The following PHF21A variants were observed in gnomAD, a reference collection of about 807,000 sequenced individuals.
PHF21A encodes the protein BHC80a.
In PHF21A, 11 loss-of-function variants were observed where a neutral mutation model predicts 82.5. The ratio of observed to expected loss-of-function variants is 0.13; its 90% CI spans 0.08 to 0.22. PHF21A has a LOEUF of 0.22. Among genes scored for constraint, PHF21A ranks in the 10% least tolerant of loss-of-function variants. The probability of loss-of-function intolerance (pLI) is 1.00; values close to 1 mark genes in which losing one functional copy is unlikely to be tolerated. For missense variants in PHF21A, 579 were observed against 837.8 expected, an observed-to-expected ratio of 0.69 and a Z score of 3.81; for synonymous variants, 297 against 302.8, an observed-to-expected ratio of 0.98 and a Z score of 0.20.
At position 46,034,172 on chromosome 11, in the gene PHF21A, T is replaced by C. The variant is rs1023484867; in HGVS notation, c.153+42582A>G. 3.3e-5 allele frequency among the ~76,000 whole-genome samples: 5 copies of C among 152,150 alleles called. No individual in the cohort carries two copies. The East Asian group carries it at 9.6e-4, about 29-fold the overall frequency. Reference sequence around the variant, plus strand: ...CTGATGCTTCCTATTCTGTAACATATACTAGTATTTTTACTTCTGCTGTGA... The same window carrying C: ...CTGATGCTTCCTATTCTGTAACATACACTAGTATTTTTACTTCTGCTGTGA... On this transcript the variant is annotated intron_variant, in intron 6 of 18. Transcript: ENST00000676320.
intron 1 of PHF21A, among the ~76,000 whole-genome samples, chr11:46,108,207 C>T (rs1368084899): frequency 2.0e-5 from 3 of 152,084 alleles, no homozygotes; most frequent in East Asian, 3.8e-4. Context: ...TTTGAAAACA[C>T]AATTGCTCTC....
At chr11:46,051,234 C>G (rs1176055730) in intron 6 of PHF21A, among the ~76,000 whole-genome samples, 1 of 152,118 alleles carries the variant, frequency 6.6e-6, no homozygotes, top group Admixed American at 6.5e-5. Flanking sequence ...ATCATTGCTG[C>G]TTTAAAGAGT....
intron 6 of PHF21A, among the ~76,000 whole-genome samples, chr11:46,014,979 CAA>C (rs35525494): frequency 1.4e-4 from 3 of 21,552 alleles, no homozygotes; most frequent in Admixed American, 5.2e-4. Context: ...GACTCCGTCT[CAA>C]AAAAAAAAAA....
intron 6 of PHF21A, among the ~76,000 whole-genome samples, chr11:46,003,758 C>T (rs1294574089): frequency 1.3e-5 from 2 of 152,162 alleles, no homozygotes; most frequent in East Asian, 3.8e-4. Flanking sequence ...TGCATGCAGG[C>T]CCACACAAGT....
chr11:45,949,556 A>G (rs1341953509), intron 12 of PHF21A, 75 bp from the exon 13 acceptor site: 5 of 1,201,756 alleles, frequency 4.2e-6, no homozygotes, highest in Middle Eastern at 1.9e-4. Context: ...TGTTTTATCT[A>G]TTGGTTTTCC....
intron 6 of PHF21A, among the ~76,000 whole-genome samples, chr11:46,015,843 C>T (rs895454532): frequency 3.4e-4 from 52 of 152,184 alleles, no homozygotes; most frequent in African/African-American, 1.2e-3. Context: ...ACAATGCCTT[C>T]GTCTGAAATA....
intron 13 of PHF21A, 82 bp from the exon 14 acceptor site, chr11:45,949,028 G>A: frequency 9.3e-7 from 1 of 1,075,868 alleles, no homozygotes; most frequent in Non-Finnish European, 1.5e-6. Flanking sequence ...ACCAAGCATG[G>A]CATGACTGTC....
At chr11:45,993,245 A>G (rs1198489501) in intron 6 of PHF21A, among the ~76,000 whole-genome samples, 1 of 152,124 alleles carries the variant, frequency 6.6e-6, no homozygotes, top group Admixed American at 6.5e-5. Context: ...TGATGGTACT[A>G]TTTTCCACAA....
At chr11:45,936,103 C>T (rs904226536) in intron 17 of PHF21A, among the ~76,000 whole-genome samples, 5 of 152,084 alleles carry the variant, frequency 3.3e-5, no homozygotes, top group Non-Finnish European at 5.9e-5. Flanking sequence ...CATGGCGAAA[C>T]CTGTCTCCAC....
chr11:46,099,403 T>C (rs192162344), intron 1 of PHF21A, among the ~76,000 whole-genome samples: 27 of 152,208 alleles, frequency 1.8e-4, no homozygotes, highest in African/African-American at 6.3e-4. Context: ...TGAGCAAAAC[T>C]AACTAAATAA....
intron 6 of PHF21A, among the ~76,000 whole-genome samples, chr11:45,993,482 G>A (rs982285991): frequency 6.6e-6 from 1 of 151,944 alleles, no homozygotes; most frequent in African/African-American, 2.4e-5. Flanking sequence ...GTAAAACTGG[G>A]ACTAGAATAT....
chr11:46,075,619 T>TA (rs1035951264), intron 6 of PHF21A, among the ~76,000 whole-genome samples: 7 of 152,162 alleles, frequency 4.6e-5, no homozygotes, highest in African/African-American at 1.7e-4. Flanking sequence ...TTCCCTAATC[T>TA]AAAATACCTC....
At chr11:45,992,890 G>C (rs2094765659) in intron 6 of PHF21A, among the ~76,000 whole-genome samples, 1 of 152,156 alleles carries the variant, frequency 6.6e-6, no homozygotes, top group Non-Finnish European at 1.5e-5. Context: ...CTGACACAAG[G>C]ATAAACTGAA....
At chr11:46,038,158 T>C (rs1246476520) in intron 6 of PHF21A, among the ~76,000 whole-genome samples, 1 of 152,026 alleles carries the variant, frequency 6.6e-6, no homozygotes, top group African/African-American at 2.4e-5. Flanking sequence ...TTTTGCTTTT[T>C]TTTTGTCACT....
At chr11:46,119,459 C>T (rs185618979) in intron 1 of PHF21A, among the ~76,000 whole-genome samples, 1 of 152,288 alleles carries the variant, frequency 6.6e-6, no homozygotes. Flanking sequence ...CAGACCTAAA[C>T]AAAGAATATT....
chr11:46,061,922 A>G (rs1239624309), intron 6 of PHF21A, among the ~76,000 whole-genome samples: 2 of 152,128 alleles, frequency 1.3e-5, no homozygotes, highest in African/African-American at 4.8e-5. Flanking sequence ...TCTCTATTCT[A>G]TCCCCGGACT....
chr11:45,955,317 T>C (rs1279387212), intron 10 of PHF21A, among the ~76,000 whole-genome samples: 2 of 151,648 alleles, frequency 1.3e-5, no homozygotes, highest in Admixed American at 1.3e-4. Flanking sequence ...CACTTTTTAA[T>C]CAAAAAGGAC....
At position 45,936,513 on chromosome 11, in the gene PHF21A, G is replaced by C. The variant is rs2089094280; in HGVS notation, c.1665C>G (p.Ser555=). ...PWPGTLAIVH[S]YIAYKAAKEE... Reference sequence around the variant, plus strand: ...CCTTACCTGCTTTGTAGGCAATATAGGAATGAACAATTGCTAAAGTTCCAG... The same window carrying C: ...CCTTACCTGCTTTGTAGGCAATATACGAATGAACAATTGCTAAAGTTCCAG... The change falls in exon 17 of 19, where the codon TCC becomes TCG. Residue 555 remains serine (S), a synonymous_variant. Transcript: ENST00000676320. The C allele has an allele frequency of 6.2e-7, 1 of 1,611,440 alleles. No individual in the cohort carries two copies. The highest frequency in any genetic ancestry group is 8.5e-7 in the Non-Finnish European group (1 of 1,177,624).
At chr11:46,079,651 CAAG>C (rs771680389) in intron 4 of PHF21A, among the ~76,000 whole-genome samples, 4 of 152,138 alleles carry the variant, frequency 2.6e-5, no homozygotes, top group Non-Finnish European at 5.9e-5. Flanking sequence ...TGTCTTCTCT[CAAG>C]AAGGAGTTCG....
Sources: gnomAD v4.1 joint callset for allele counts (sites outside exome capture counted in the v4.1 genomes callset) on GRCh38, gnomAD v4.1.1 for gene constraint, MANE v1.5 for transcripts, NCBI Gene and HGNC (gene_info 2026-07-23, HGNC 2026-07-21) for gene names.